The following RAPGEF4 variants were observed in gnomAD, a reference collection of about 807,000 sequenced individuals.
RAPGEF4 encodes the protein RAP guanine-nucleotide-exchange factor (GEF) 4.
In RAPGEF4, 66 loss-of-function variants were observed where a neutral mutation model predicts 147.9. The observed-to-expected ratio is 0.45, with a 90% CI of 0.37 to 0.55. The LOEUF is 0.55. RAPGEF4 is among the 20% of genes least tolerant of loss of function. RAPGEF4 has a pLI of 0.00. For synonymous variants in RAPGEF4, 419 were observed against 442.7 expected (o/e 0.95, Z 0.67); for missense variants, 1,071 against 1,257.3 (o/e 0.85, Z 2.24).
At chr2:173,000,611 G>C (rs1195627986) in intron 16 of RAPGEF4, among the ~76,000 whole-genome samples, 4 of 152,124 alleles carry the variant, frequency 2.6e-5, no homozygotes, top group Admixed American at 6.5e-5. Flanking sequence ...CCAACCCCCT[G>C]CTTCCTTACC....
intron 29 of RAPGEF4, chr2:173,036,926 G>A (rs112878899): frequency 6.0e-5 from 24 of 400,184 alleles, no homozygotes; most frequent in African/African-American, 1.2e-4. Flanking sequence ...CTTTTATGCC[G>A]TGTGTTTCTT....
At chr2:172,857,710 C>T (rs988124095) in intron 4 of RAPGEF4, among the ~76,000 whole-genome samples, 2 of 151,668 alleles carry the variant, frequency 1.3e-5, no homozygotes, top group African/African-American at 4.8e-5. Flanking sequence ...GGCAAAACCC[C>T]ATGTGTACAA....
intron 1 of RAPGEF4, among the ~76,000 whole-genome samples, chr2:172,745,544 G>C (rs1694689655): frequency 6.6e-6 from 1 of 151,500 alleles, no homozygotes; most frequent in African/African-American, 2.4e-5. Context: ...TTTTCTTTGA[G>C]AAATTTATTG....
rs566947921 is a variant in RAPGEF4, at chr2:172,772,118, A to G, written c.66-22907A>G. Among the ~76,000 whole-genome samples, 3 of 152,166 alleles carry G rather than the reference A, an allele frequency of 2.0e-5. No individual in the cohort carries two copies. The South Asian group carries it at 6.2e-4, about 32-fold the overall frequency. On this transcript the variant is annotated intron_variant, in intron 1 of 30. Transcript: ENST00000397081. ...GCTGGGTGTGGTGGCATACGCCTGT[A>G]GTCTCAGCTACTCGGGAGGCTGAGG... is the stretch of plus-strand genomic sequence containing the variant.
intron 29 of RAPGEF4, 48 bp from the exon 30 acceptor site, chr2:173,048,552 C>G (rs747256965): frequency 1.9e-6 from 3 of 1,612,814 alleles, no homozygotes; most frequent in South Asian, 1.1e-5. Flanking sequence ...GGATTGTACT[C>G]TACGCTTACT....
intron 30 of RAPGEF4, among the ~76,000 whole-genome samples, chr2:173,049,552 C>G (rs1186175897): frequency 6.6e-6 from 1 of 152,222 alleles, no homozygotes; most frequent in African/African-American, 2.4e-5. Context: ...CTATGATGTT[C>G]TTGTTTTATT....
At position 173,030,252 on chromosome 2, in the gene RAPGEF4, G is replaced by C; in HGVS notation, c.2647G>C (p.Glu883Gln). ...TGTGAGCCGCTTGGCACTAACGTGG[G>C]AGGTAAGCTTCAGCTAGGATCCAGC... ...VAVSRLALTW[E>Q]KLPSKFKKFY... Residue 883 changes from glutamate to glutamine, a missense_variant and splice_region_variant, in exon 26 of 31, where the codon GAG (glutamate) becomes CAG (glutamine). Transcript: ENST00000397081. 6.2e-7 allele frequency: 1 copy of C among 1,609,684 alleles called. No homozygotes were observed. The highest frequency in any genetic ancestry group is 1.1e-5 in the South Asian group (1 of 90,992).
At position 172,783,715 on chromosome 2, in the gene RAPGEF4, T is replaced by A. The variant is rs61191428; in HGVS notation, c.66-11310T>A. Reference sequence around the variant, plus strand: ...GTGTATGTATGTATCTCTGTAGGCATGTTTATGTGGGTATGTATATGGGTA... The same window carrying A: ...GTGTATGTATGTATCTCTGTAGGCAAGTTTATGTGGGTATGTATATGGGTA... On this transcript the variant is annotated intron_variant, in intron 1 of 30. Coordinates refer to ENST00000397081, the MANE Select transcript of RAPGEF4 (RefSeq NM_007023.4). 2.8e-4 allele frequency among the ~76,000 whole-genome samples: 43 copies of A among 152,026 alleles called. No individual in the cohort carries two copies. In the East Asian group the frequency reaches 8.1e-3, roughly 29 times the overall value.
rs546070753 is a variant in RAPGEF4 at position 172,918,431 on chromosome 2, CAGAT to C, written c.517+560_517+563del. On this transcript the variant is annotated intron_variant, in intron 5 of 30. Transcript: ENST00000397081. ...CACACAAAGTGACTATGGAAGGTGA[CAGAT>C]AGGTTAATTTGCTTAACTGGAGTAG... Among the ~76,000 whole-genome samples, 67 of 144,890 alleles carry C rather than the reference CAGAT, an allele frequency of 4.6e-4. 5 individuals carry two copies. In the South Asian group the frequency reaches 0.012, roughly 27 times the overall value.
intron 29 of RAPGEF4, among the ~76,000 whole-genome samples, chr2:173,047,831 C>T (rs1269919888): frequency 9.9e-5 from 15 of 152,228 alleles, no homozygotes; most frequent in Admixed American, 3.9e-4. Context: ...CGCCTGCCAC[C>T]ACGCCCGGCT....
intron 6 of RAPGEF4, among the ~76,000 whole-genome samples, chr2:172,927,553 T>G (rs1366214618): frequency 6.6e-6 from 1 of 152,092 alleles, no homozygotes; most frequent in East Asian, 1.9e-4. Context: ...AAAGGATTGC[T>G]TAAGCCCAGG....
rs1008814148 is a variant in RAPGEF4, at chr2:172,802,979, G to A, written c.297+5366G>A. On this transcript the variant is annotated intron_variant, in intron 3 of 30. Transcript: ENST00000397081. ...GTCATGCTGACGCAAGAGGTGGAAGGCGTGTTCCCATCGTCTTGGGCAGCT... is the reference window on the plus strand; with the variant it reads ...GTCATGCTGACGCAAGAGGTGGAAGACGTGTTCCCATCGTCTTGGGCAGCT... 2.6e-5 allele frequency among the ~76,000 whole-genome samples: 4 copies of A among 152,192 alleles called. No individual in the cohort carries two copies. In the East Asian group the frequency reaches 7.7e-4, roughly 29 times the overall value.
intron 6 of RAPGEF4, chr2:172,928,103 C>T (rs1344912723): frequency 3.1e-5 from 13 of 425,130 alleles, no homozygotes; most frequent in South Asian, 5.2e-5. Context: ...TATTAGAAAG[C>T]GTAACCCCCG....
At chr2:173,000,620 C>A (rs1261376654) in intron 16 of RAPGEF4, among the ~76,000 whole-genome samples, 1 of 152,206 alleles carries the variant, frequency 6.6e-6, no homozygotes. Flanking sequence ...TGCTTCCTTA[C>A]CTACAAAATA....
chr2:172,845,979 C>G lies in RAPGEF4; in HGVS notation c.444+31554C>G, dbSNP rs1342277655. Among the ~76,000 whole-genome samples the G allele has an allele frequency of 4.6e-5, 7 of 152,298 alleles. No homozygotes were observed. The East Asian group carries it at 1.2e-3, about 25-fold the overall frequency. ...TAAGAGACGGAGGGTCTTTTCAAAT[C>G]TAGGCTCCTGTCTTTGTTGTTTTCA... On this transcript the variant is annotated intron_variant, in intron 4 of 30. Coordinates refer to ENST00000397081, the MANE Select transcript of RAPGEF4 (RefSeq NM_007023.4).
intron 4 of RAPGEF4, among the ~76,000 whole-genome samples, chr2:172,913,123 T>A (rs1316394362): frequency 6.6e-6 from 1 of 152,098 alleles, no homozygotes; most frequent in East Asian, 1.9e-4. Context: ...CTTGAACTCC[T>A]GACCTCAGGC....
chr2:172,993,084 G>A (rs1210430737), intron 15 of RAPGEF4, among the ~76,000 whole-genome samples: 1 of 152,038 alleles, frequency 6.6e-6, no homozygotes, highest in Non-Finnish European at 1.5e-5. Flanking sequence ...TGCTAATAAT[G>A]TTATTTTTCT....
Position 172,836,393 on chromosome 2 carries a change from G to T in RAPGEF4, c.444+21968G>T, listed in dbSNP as rs938669. ...TTTGGCACCACCAGAACTCAACTTC[G>T]TTGTAGCTCTGTGGTGTGTGACGTC... is the stretch of plus-strand genomic sequence containing the variant. On this transcript the variant is annotated intron_variant, in intron 4 of 30. Transcript: ENST00000397081. 3.4e-3 allele frequency among the ~76,000 whole-genome samples: 519 copies of T among 152,332 alleles called. 5 individuals are homozygous for T. The highest frequency in any genetic ancestry group is 0.012 in the African/African-American group (506 of 41,582).
chr2:172,956,304 CT>C (rs1688721417), intron 6 of RAPGEF4, among the ~76,000 whole-genome samples: 1 of 152,130 alleles, frequency 6.6e-6, no homozygotes, highest in Admixed American at 6.5e-5. Context: ...TTTTCCTCCC[CT>C]GGTGCAACAC....
Sources: gnomAD v4.1 joint callset for allele counts (sites outside exome capture counted in the v4.1 genomes callset) on GRCh38, gnomAD v4.1.1 for gene constraint, MANE v1.5 for transcripts, NCBI Gene and HGNC (gene_info 2026-07-23, HGNC 2026-07-21) for gene names.